The following HERC3 variants were observed in gnomAD, a reference collection of about 807,000 sequenced individuals.
The protein encoded by HERC3 is HECT and RLD domain containing E3 ubiquitin protein ligase 3.
Under a neutral mutation model 129.9 loss-of-function variants are expected in HERC3, and 58 were observed. That is an observed-to-expected ratio of 0.45 (90% confidence interval 0.36 to 0.56). The LOEUF (loss-of-function observed/expected upper bound fraction) is 0.56, where lower values mean the gene tolerates loss of function less well. HERC3 is among the 20% of genes least tolerant of loss of function. The pLI is 0.00. For missense variants in HERC3, 835 were observed against 1,244.2 expected, an observed-to-expected ratio of 0.67 and a Z score of 4.95; for synonymous variants, 430 against 451.0, an observed-to-expected ratio of 0.95 and a Z score of 0.59.
chr4:88,653,220 C>T, intron 6 of HERC3, 130 bp downstream of exon 6: 1 of 864,906 alleles, frequency 1.2e-6, no homozygotes, highest in Non-Finnish European at 1.8e-6. Flanking sequence ...CAATAGAGAA[C>T]ATCCTCGTCT....
At chr4:88,618,985 A>G (rs1725223855) in intron 3 of HERC3, among the ~76,000 whole-genome samples, 1 of 151,960 alleles carries the variant, frequency 6.6e-6, no homozygotes, top group South Asian at 2.1e-4. Flanking sequence ...CAGCCAGGGG[A>G]GCTGTAGTGC....
chr4:88,665,201 C>T (rs778414231), intron 12 of HERC3, among the ~76,000 whole-genome samples: 5 of 152,124 alleles, frequency 3.3e-5, no homozygotes, highest in Non-Finnish European at 5.9e-5. Flanking sequence ...GGATTTACTA[C>T]GGGAATTGGT....
chr4:88,634,172 G>A (rs1293958142), intron 3 of HERC3, among the ~76,000 whole-genome samples: 1 of 152,188 alleles, frequency 6.6e-6, no homozygotes, highest in Non-Finnish European at 1.5e-5. Context: ...GTTAGTGAGT[G>A]TGCTACCCAG....
chr4:88,590,483 C>T (rs1449439597), upstream of HERC3, among the ~76,000 whole-genome samples: 1 of 151,728 alleles, frequency 6.6e-6, no homozygotes, highest in Non-Finnish European at 1.5e-5. Context: ...TGCGTGAATC[C>T]GGGAGGCGCA....
At chr4:88,558,103 A>T in the HERC3 span, among the ~76,000 whole-genome samples, 1 of 151,154 alleles carries the variant, frequency 6.6e-6, no homozygotes, top group East Asian at 1.9e-4. Flanking sequence ...AAAGAAAAAA[A>T]GAACTAAAAG....
In HERC3 at chr4:88,624,851, A is replaced by G. The variant is rs556036490; in HGVS notation, c.226+18802A>G. On this transcript the variant is annotated intron_variant, in intron 3 of 25. Transcript: ENST00000402738. Reference sequence around the variant, plus strand: ...TAGTTTAGCTCTTACATTTAGGCCTATGATCCATTTCAAATTAAAATTTTA... The same window carrying G: ...TAGTTTAGCTCTTACATTTAGGCCTGTGATCCATTTCAAATTAAAATTTTA... Among the ~76,000 whole-genome samples the G allele has an allele frequency of 2.0e-5, 3 of 152,320 alleles. No individual in the cohort carries two copies. The East Asian group carries it at 5.8e-4, about 29-fold the overall frequency.
the HERC3 span, among the ~76,000 whole-genome samples, chr4:88,537,039 G>T: frequency 6.6e-6 from 1 of 152,042 alleles, no homozygotes; most frequent in Non-Finnish European, 1.5e-5. Flanking sequence ...CAGACATGAG[G>T]TTCATTTACA....
At chr4:88,535,588 A>C in the HERC3 span, among the ~76,000 whole-genome samples, 1 of 152,162 alleles carries the variant, frequency 6.6e-6, no homozygotes, top group Non-Finnish European at 1.5e-5. Context: ...TGAGGTCTGA[A>C]GTCATGATGG....
chr4:88,706,090 C>T (rs1735753914), intron 25 of HERC3, among the ~76,000 whole-genome samples: 1 of 152,188 alleles, frequency 6.6e-6, no homozygotes, highest in African/African-American at 2.4e-5. Flanking sequence ...TGTTTGTTAA[C>T]TCTGGAGATT....
At chr4:88,659,953 G>A (rs373502066) in intron 10 of HERC3, among the ~76,000 whole-genome samples, 1 of 152,136 alleles carries the variant, frequency 6.6e-6, no homozygotes, top group South Asian at 2.1e-4. Flanking sequence ...GAGAGGCAGG[G>A]CAGGTTAAAG....
the HERC3 span, among the ~76,000 whole-genome samples, chr4:88,545,202 A>G: frequency 2.6e-5 from 4 of 152,174 alleles, no homozygotes; most frequent in African/African-American, 9.6e-5. Flanking sequence ...TTCACATTAC[A>G]TGCCTGCATC....
chr4:88,600,211 C>T (rs1270568689), intron 2 of HERC3, among the ~76,000 whole-genome samples: 2 of 151,920 alleles, frequency 1.3e-5, no homozygotes, highest in Non-Finnish European at 2.9e-5. Context: ...TGAAAGAAAC[C>T]TGATTCAAAC....
chr4:88,699,318 C>T lies in HERC3; in HGVS notation c.2658-4780C>T, dbSNP rs188905366. 4.5e-3 allele frequency among the ~76,000 whole-genome samples: 134 copies of T among 29,884 alleles called. 9 individuals carry two copies. The highest frequency in any genetic ancestry group is 0.034 in the Admixed American group (113 of 3,366). The allele number at this position is 29,884 out of a possible 152,430, so 19.6% of individuals were successfully genotyped here. A position where few individuals can be genotyped will look rare whatever the true frequency, so the allele number is the denominator to read the frequency against. ...CCACCCACCCAGCCCCACCCTCTTC[C>T]TCCCCACCCACCCACGCAGCCCCAC... On this transcript the variant is annotated intron_variant, in intron 23 of 25. Transcript: ENST00000402738.
intron 3 of HERC3, among the ~76,000 whole-genome samples, chr4:88,639,516 G>T (rs1338233477): frequency 2.0e-5 from 3 of 151,986 alleles, no homozygotes; most frequent in African/African-American, 7.3e-5. Flanking sequence ...AAATCATGTT[G>T]GGAAAACTGG....
the HERC3 span, among the ~76,000 whole-genome samples, chr4:88,563,846 C>T: frequency 7.9e-5 from 12 of 151,870 alleles, no homozygotes; most frequent in Non-Finnish European, 1.8e-4. Context: ...TTAGTAGAGA[C>T]AGGGTTTCAC....
the HERC3 span, among the ~76,000 whole-genome samples, chr4:88,581,793 G>T: frequency 1.3e-5 from 2 of 152,088 alleles, no homozygotes; most frequent in African/African-American, 4.8e-5. Flanking sequence ...GTGTTTTACA[G>T]AATATTTATC....
intron 2 of HERC3, among the ~76,000 whole-genome samples, chr4:88,598,501 C>T (rs540612023): frequency 2.0e-5 from 3 of 152,314 alleles, no homozygotes; most frequent in Admixed American, 6.5e-5. Flanking sequence ...AGACAGGAGT[C>T]ACAATCCCAT....
intron 23 of HERC3, chr4:88,692,990 C>T (rs1483164894): frequency 3.1e-6 from 3 of 976,694 alleles, no homozygotes; most frequent in Non-Finnish European, 3.6e-6. Context: ...TAGTTAAAAA[C>T]ATAACTAATA....
intron 14 of HERC3, 88 bp downstream of exon 14, chr4:88,668,169 AATCTATTTGTT>A (rs1389746343): frequency 3.8e-6 from 4 of 1,064,216 alleles, no homozygotes; most frequent in Non-Finnish European, 5.6e-6. Context: ...GAGATCCAAG[AATCTATTTGTT>A]GCCATTTAAT....
Sources: gnomAD v4.1 joint callset for allele counts (sites outside exome capture counted in the v4.1 genomes callset) on GRCh38, gnomAD v4.1.1 for gene constraint, MANE v1.5 for transcripts, NCBI Gene and HGNC (gene_info 2026-07-23, HGNC 2026-07-21) for gene names.